The following HHIPL1 variants were observed in gnomAD, a reference collection of about 807,000 sequenced individuals.
The protein encoded by HHIPL1 is HHIP like 1.
In HHIPL1, 43 loss-of-function variants were observed where a neutral mutation model predicts 61.8. That is an observed-to-expected ratio of 0.70 (90% CI 0.55 to 0.90). The LOEUF (loss-of-function observed/expected upper bound fraction) is 0.90, where lower values mean the gene tolerates loss of function less well. HHIPL1 is among the 40% of genes least tolerant of loss of function. The pLI is 0.00. For missense variants in HHIPL1, 1,056 were observed against 1,157.7 expected, an observed-to-expected ratio of 0.91 and a Z score of 1.28; for synonymous variants, 482 against 515.8, an observed-to-expected ratio of 0.93 and a Z score of 0.89.
chr14:99,669,792 G>C (rs1338808250), intron 7 of HHIPL1, among the ~76,000 whole-genome samples: 1 of 152,132 alleles, frequency 6.6e-6, no homozygotes, highest in East Asian at 1.9e-4. Flanking sequence ...TGGTGTGCTG[G>C]CGCACATCTA....
intron 4 of HHIPL1, among the ~76,000 whole-genome samples, 164 bp downstream of exon 4, chr14:99,659,920 C>T (rs2056121623): frequency 6.7e-6 from 1 of 148,766 alleles, no homozygotes; most frequent in Non-Finnish European, 1.5e-5. Flanking sequence ...GGCAGGGCCT[C>T]ACTCGGGGAC....
Position 99,678,868 on chromosome 14 carries a change from C to T in HHIPL1, c.*3242C>T, listed in dbSNP as rs1266354199. 1 of 152,180 alleles carries T rather than the reference C, an allele frequency of 6.6e-6. No homozygotes were observed. The highest frequency in any genetic ancestry group is 6.5e-5 in the Admixed American group (1 of 15,282). 9.4% of individuals were successfully genotyped at this position (152,180 alleles called of 1,614,324 possible). On this transcript the variant is annotated 3_prime_UTR_variant, in exon 9 of 9. Coordinates refer to ENST00000330710, the MANE Select transcript of HHIPL1 (RefSeq NM_001127258.3). ...GAAGGAAGTTCGTCTTTAAAAGAAA[C>T]CATTATTTCTAACACTTACGATTTA... is the stretch of plus-strand genomic sequence containing the variant.
the HHIPL1 span, among the ~76,000 whole-genome samples, chr14:99,631,453 GCCCGTAACTGAT>G: frequency 2.5e-3 from 373 of 152,190 alleles, 1 homozygote; most frequent in African/African-American, 8.8e-3. Flanking sequence ...ACACAGTTCA[GCCCGTAACTGAT>G]CCCCTACAGT....
At chr14:99,637,078 G>GAGAAAGAAAGAA in the HHIPL1 span, among the ~76,000 whole-genome samples, 27 of 99,056 alleles carry the variant, frequency 2.7e-4, no homozygotes, top group East Asian at 1.7e-3. Context: ...AAGAAAGAGA[G>GAGAAAGAAAGAA]AGAAAGAAAG....
intron 1 of HHIPL1, among the ~76,000 whole-genome samples, chr14:99,648,721 A>C (rs1158883650): frequency 6.6e-6 from 1 of 152,250 alleles, no homozygotes; most frequent in African/African-American, 2.4e-5. Flanking sequence ...CCCTGGGAGC[A>C]TGGAGGACAA....
chr14:99,636,844 G>A, the HHIPL1 span, among the ~76,000 whole-genome samples: 8 of 151,172 alleles, frequency 5.3e-5, no homozygotes, highest in Non-Finnish European at 7.4e-5. Context: ...AAAATTAGCC[G>A]GGCATGGAAG....
At chr14:99,670,475 C>A (rs2056315693) in intron 7 of HHIPL1, among the ~76,000 whole-genome samples, 1 of 152,222 alleles carries the variant, frequency 6.6e-6, no homozygotes, top group South Asian at 2.1e-4. Flanking sequence ...GTTCCAGGAT[C>A]CTGTGTTGCC....
intron 1 of HHIPL1, among the ~76,000 whole-genome samples, chr14:99,648,491 C>G (rs911306219): frequency 1.3e-5 from 2 of 152,200 alleles, no homozygotes; most frequent in Non-Finnish European, 2.9e-5. Context: ...CTCCTTGAAG[C>G]CCCACTGTGT....
rs1429586708 is a variant in HHIPL1 at position 99,652,830 on chromosome 14, T to C, written c.862T>C (p.Ser288Pro). The C allele has an allele frequency of 8.7e-6, 14 of 1,613,926 alleles. No individual in the cohort carries two copies. The highest frequency in any genetic ancestry group is 1.7e-5 in the Admixed American group (1 of 60,012). The change falls in exon 2 of 9, where the codon TCC (serine) becomes CCC (proline). Residue 288 changes from serine to proline, a missense_variant. Physicochemically the swap from Ser to Pro is moderately conservative, Grantham distance 74 (BLOSUM62 -1). Transcript: ENST00000330710. ...GATCCGCATCAGCGAGTTCAGAGTC[T>C]CCGAGGATGACGAGAACGCCGTGGA... ...EWIRISEFRV[S>P]EDDENAVDHS...
At chr14:99,623,445 G>C in the HHIPL1 span, among the ~76,000 whole-genome samples, 2 of 152,080 alleles carry the variant, frequency 1.3e-5, no homozygotes, top group Non-Finnish European at 2.9e-5. Context: ...GCAGAGTCTT[G>C]CTCTGTCCCC....
intron 1 of HHIPL1, among the ~76,000 whole-genome samples, chr14:99,648,896 G>A (rs1054817886): frequency 1.3e-5 from 2 of 152,212 alleles, no homozygotes; most frequent in Admixed American, 6.5e-5. Flanking sequence ...CATGAGTCAC[G>A]AGTGTCAGTG....
chr14:99,606,879 C>G, the HHIPL1 span, among the ~76,000 whole-genome samples: 124,415 of 151,940 alleles, frequency 0.82, 52,493 homozygotes, highest in South Asian at 0.96. Flanking sequence ...GCTGAAACAG[C>G]GTCCTGAAGG....
chr14:99,609,523 C>T, the HHIPL1 span, among the ~76,000 whole-genome samples: 1 of 152,260 alleles, frequency 6.6e-6, no homozygotes, highest in South Asian at 2.1e-4. Flanking sequence ...CCACCTTCTT[C>T]CTTTTGGGGT....
At chr14:99,609,295 A>G in the HHIPL1 span, among the ~76,000 whole-genome samples, 2 of 152,174 alleles carry the variant, frequency 1.3e-5, no homozygotes, top group African/African-American at 2.4e-5. Flanking sequence ...TGACAGAGCT[A>G]GTGTTAAGCA....
the HHIPL1 span, among the ~76,000 whole-genome samples, chr14:99,622,421 C>A: frequency 2.6e-5 from 4 of 152,190 alleles, no homozygotes; most frequent in African/African-American, 9.7e-5. Context: ...TCCATCCTGC[C>A]CAAATGACAG....
chr14:99,635,429 G>C, the HHIPL1 span, among the ~76,000 whole-genome samples: 1 of 152,118 alleles, frequency 6.6e-6, no homozygotes, highest in African/African-American at 2.4e-5. Flanking sequence ...GCGGGGTGGG[G>C]GTGGCAGGGA....
chr14:99,629,765 A>T, the HHIPL1 span, among the ~76,000 whole-genome samples: 4 of 152,166 alleles, frequency 2.6e-5, no homozygotes, highest in African/African-American at 9.7e-5. Context: ...AGCCTCCCGA[A>T]GTGCTGGGAT....
chr14:99,637,184 GAAT>G, the HHIPL1 span, among the ~76,000 whole-genome samples: 8 of 96,684 alleles, frequency 8.3e-5, no homozygotes, highest in Admixed American at 2.5e-4. Flanking sequence ...AAGAAAGAAA[GAAT>G]GGAAGAAAGA....
chr14:99,635,888 G>T, the HHIPL1 span, among the ~76,000 whole-genome samples: 13 of 152,222 alleles, frequency 8.5e-5, no homozygotes, highest in East Asian at 2.3e-3. Flanking sequence ...AAGTTATCTC[G>T]TGCCTTCAAT....
Sources: gnomAD v4.1 joint callset for allele counts (sites outside exome capture counted in the v4.1 genomes callset) on GRCh38, gnomAD v4.1.1 for gene constraint, MANE v1.5 for transcripts, NCBI Gene and HGNC (gene_info 2026-07-23, HGNC 2026-07-21) for gene names.